CNBD1: variants seen among roughly 807,000 people sequenced by gnomAD.
CNBD1 encodes cyclic nucleotide-binding domain-containing protein 1.
CNBD1 carries 71 observed loss-of-function variants against 54.4 expected under a neutral mutation model. The observed-to-expected ratio is 1.30, with a 90% CI of 1.08 to 1.59. CNBD1 has a LOEUF of 1.59. Among genes scored for constraint, CNBD1 ranks in the 40% most tolerant of loss-of-function variants. The pLI is 0.00. For missense variants in CNBD1, 659 were observed against 518.0 expected (o/e 1.27, Z -2.64); for synonymous variants, 182 against 170.7 (o/e 1.07, Z -0.51).
intron 8 of CNBD1, among the ~76,000 whole-genome samples, chr8:87,332,246 G>T (rs1032069949): frequency 2.6e-5 from 4 of 152,102 alleles, no homozygotes; most frequent in Non-Finnish European, 4.4e-5. Flanking sequence ...TATTCTGGAG[G>T]CTGAGTCAGG....
In CNBD1 at chr8:87,099,065, A is replaced by C. The variant is rs7819495; in HGVS notation, c.432-106928A>C. ...AAAAAAAAAAAAAAAAAAAAACAAA[A>C]CTCCAAATTTTGACCCTTATGCTTA... is the stretch of plus-strand genomic sequence containing the variant. On this transcript the variant is annotated intron_variant, in intron 4 of 10. Coordinates refer to ENST00000518476, the MANE Select transcript of CNBD1 (RefSeq NM_173538.3). Among the ~76,000 whole-genome samples, 398 of 144,056 alleles carry C rather than the reference A, an allele frequency of 2.8e-3. 4 individuals carry two copies. The highest frequency in any genetic ancestry group is 0.022 in the Middle Eastern group (6 of 274). The allele number at this position is 144,056 out of a possible 152,430, so 94.5% of individuals were successfully genotyped here.
chr8:87,225,777 C>T (rs1375828768), intron 5 of CNBD1, among the ~76,000 whole-genome samples: 2 of 150,100 alleles, frequency 1.3e-5, no homozygotes, highest in Non-Finnish European at 3.0e-5. Flanking sequence ...GGAGGATTCC[C>T]TCTTTTTCTA....
chr8:87,129,244 C>T (rs1405874327), intron 4 of CNBD1, among the ~76,000 whole-genome samples: 1 of 151,740 alleles, frequency 6.6e-6, no homozygotes, highest in Non-Finnish European at 1.5e-5. Flanking sequence ...AAAATTAATA[C>T]TACTTCTTCC....
At chr8:87,355,919 G>C (rs1007158856) in intron 10 of CNBD1, among the ~76,000 whole-genome samples, 5 of 152,032 alleles carry the variant, frequency 3.3e-5, no homozygotes, top group Non-Finnish European at 7.4e-5. Flanking sequence ...TGTCCTTCCT[G>C]GGTAATGAGT....
At chr8:87,199,796 A>G (rs1251146009) in intron 4 of CNBD1, among the ~76,000 whole-genome samples, 2 of 152,186 alleles carry the variant, frequency 1.3e-5, no homozygotes, top group Non-Finnish European at 2.9e-5. Flanking sequence ...TTCAGTCAGT[A>G]GGTGTACCTT....
At chr8:87,357,475 G>T (rs1810442470) in intron 10 of CNBD1, among the ~76,000 whole-genome samples, 1 of 152,150 alleles carries the variant, frequency 6.6e-6, no homozygotes, top group African/African-American at 2.4e-5. Flanking sequence ...AGACGATTTT[G>T]GAGCTTTAAA....
At chr8:87,409,177 G>A (rs570883016) in intron 2 of CNBD1, among the ~76,000 whole-genome samples, 23 of 152,138 alleles carry the variant, frequency 1.5e-4, no homozygotes, top group Non-Finnish European at 1.8e-4. Flanking sequence ...AGTTCTTGAA[G>A]AAAATTAAAA....
chr8:87,297,904 A>T (rs943558295), intron 8 of CNBD1, among the ~76,000 whole-genome samples: 11 of 151,814 alleles, frequency 7.2e-5, no homozygotes, highest in Non-Finnish European at 5.9e-5. Flanking sequence ...TATTCTATCT[A>T]GAATTCTATA....
chr8:87,115,579 G>T (rs1358496588), intron 4 of CNBD1, among the ~76,000 whole-genome samples: 2 of 152,146 alleles, frequency 1.3e-5, no homozygotes, highest in Non-Finnish European at 2.9e-5. Context: ...ACACATTTAT[G>T]GAGTGGCAGT....
chr8:87,324,144 G>A (rs1235918478), intron 8 of CNBD1, among the ~76,000 whole-genome samples: 3 of 124,316 alleles, frequency 2.4e-5, no homozygotes, highest in South Asian at 4.8e-4. Context: ...TGCATCCCAG[G>A]GATGAAGCCC....
At chr8:86,935,926 A>G (rs1210183715) in intron 3 of CNBD1, among the ~76,000 whole-genome samples, 5 of 152,026 alleles carry the variant, frequency 3.3e-5, no homozygotes, top group African/African-American at 1.2e-4. Context: ...GGAGTGGATC[A>G]CTTTGAGCTC....
At chr8:86,984,792 A>T (rs899091615) in intron 4 of CNBD1, among the ~76,000 whole-genome samples, 6 of 152,142 alleles carry the variant, frequency 3.9e-5, no homozygotes, top group Admixed American at 6.6e-5. Context: ...AACTAACTAG[A>T]TTTTGATTTT....
intron 3 of CNBD1, among the ~76,000 whole-genome samples, chr8:86,913,624 G>A (rs140954147): frequency 5.7e-4 from 86 of 152,212 alleles, no homozygotes; most frequent in African/African-American, 2.0e-3. Context: ...TGCACAAATA[G>A]GGTGTTGTTC....
intron 4 of CNBD1, among the ~76,000 whole-genome samples, chr8:87,123,378 C>T (rs1811927201): frequency 6.6e-6 from 1 of 151,432 alleles, no homozygotes; most frequent in Non-Finnish European, 1.5e-5. Context: ...GAAAAATACA[C>T]AAATATGTGG....
chr8:87,137,556 G>T (rs1586282665), intron 4 of CNBD1, among the ~76,000 whole-genome samples: 1 of 152,112 alleles, frequency 6.6e-6, no homozygotes, highest in Admixed American at 6.6e-5. Context: ...AACACGTTAT[G>T]TTAGTGTTTC....
At chr8:86,906,933 G>A (rs1019345991) in intron 3 of CNBD1, among the ~76,000 whole-genome samples, 1 of 152,180 alleles carries the variant, frequency 6.6e-6, no homozygotes, top group African/African-American at 2.4e-5. Context: ...GAACTAGGAC[G>A]ATACACTATA....
chr8:87,424,775 T>C (rs568347723), intron 2 of CNBD1, among the ~76,000 whole-genome samples: 4 of 152,302 alleles, frequency 2.6e-5, no homozygotes, highest in South Asian at 2.1e-4. Context: ...ATTTCAACTT[T>C]GGTGAATCTG....
At chr8:87,424,130 T>C (rs1807997130) in intron 2 of CNBD1, among the ~76,000 whole-genome samples, 1 of 152,180 alleles carries the variant, frequency 6.6e-6, no homozygotes, top group African/African-American at 2.4e-5. Flanking sequence ...ATATCCCCTT[T>C]ATCATTTTTT....
intron 8 of CNBD1, among the ~76,000 whole-genome samples, chr8:87,321,653 T>C (rs994189126): frequency 1.3e-5 from 2 of 152,152 alleles, no homozygotes; most frequent in Non-Finnish European, 2.9e-5. Context: ...CCTTTTTCTC[T>C]ATTGATTATT....
Sources: allele counts gnomAD v4.1 joint callset (sites outside exome capture counted in the v4.1 genomes callset), GRCh38; gene constraint gnomAD v4.1.1; transcripts MANE v1.5; gene names NCBI Gene and HGNC (gene_info 2026-07-23, HGNC 2026-07-21).